INTS10: variants seen among roughly 807,000 people sequenced by gnomAD.
INTS10 encodes integrator complex subunit 10, also known as chromosome 8 open reading frame 35.
INTS10 carries 44 observed loss-of-function variants against 94.4 expected under a neutral mutation model. That is an observed-to-expected ratio of 0.47 (90% confidence interval 0.37 to 0.60). The LOEUF (loss-of-function observed/expected upper bound fraction) is 0.60. Ranked by LOEUF, INTS10 falls within the 20% of genes least tolerant of loss-of-function variation. The pLI is 0.00. For missense variants in INTS10, 797 were observed against 868.7 expected (o/e 0.92, Z 1.04); for synonymous variants, 341 against 320.7 (o/e 1.06, Z -0.68).
chr8:19,848,590 T>C lies in INTS10; in HGVS notation c.1976+2793T>C, dbSNP rs868211690. Among the ~76,000 whole-genome samples, 7 of 152,292 alleles carry C rather than the reference T, an allele frequency of 4.6e-5. No individual in the cohort carries two copies. In the South Asian group the frequency reaches 1.4e-3, roughly 32 times the overall value. On this transcript the variant is annotated intron_variant, in intron 16 of 16. Coordinates refer to ENST00000397977, the MANE Select transcript of INTS10 (RefSeq NM_018142.4). Reference sequence around the variant, plus strand: ...GTTGTTACAGAATTCTGCACAGCCATGGGTCCCGGACTCTTATTTTCCCCC... The same window carrying C: ...GTTGTTACAGAATTCTGCACAGCCACGGGTCCCGGACTCTTATTTTCCCCC...
intron 9 of INTS10, among the ~76,000 whole-genome samples, chr8:19,826,959 G>A (rs2066845470): frequency 6.6e-6 from 1 of 152,168 alleles, no homozygotes; most frequent in Non-Finnish European, 1.5e-5. Flanking sequence ...GGTGCAGTGT[G>A]GGGTACTGGC....
intron 13 of INTS10, among the ~76,000 whole-genome samples, chr8:19,840,911 T>A (rs1590038870): frequency 6.6e-6 from 1 of 152,226 alleles, no homozygotes; most frequent in Admixed American, 6.5e-5. Flanking sequence ...GGTAATGACA[T>A]GTTCAACTTG....
chr8:19,844,936 C>T (rs1465060584), intron 15 of INTS10, among the ~76,000 whole-genome samples: 1 of 151,756 alleles, frequency 6.6e-6, no homozygotes, highest in Non-Finnish European at 1.5e-5. Context: ...CTTGCTGTGT[C>T]ACCCAGGCTG....
At chr8:19,825,548 C>T (rs896823237) in intron 8 of INTS10, among the ~76,000 whole-genome samples, 12 of 150,464 alleles carry the variant, frequency 8.0e-5, no homozygotes, top group Non-Finnish European at 1.6e-4. Context: ...AAAAAAACAG[C>T]AGATGTAACA....
At chr8:19,823,275 T>G in intron 5 of INTS10, 26 bp from the exon 6 acceptor site, 1 of 1,582,826 alleles carries the variant, frequency 6.3e-7, no homozygotes, top group Non-Finnish European at 8.7e-7. Context: ...CTAATTAATT[T>G]ATTTCTTCTT....
intron 16 of INTS10, among the ~76,000 whole-genome samples, chr8:19,850,752 T>C (rs996434485): frequency 6.6e-6 from 1 of 152,224 alleles, no homozygotes; most frequent in Non-Finnish European, 1.5e-5. Flanking sequence ...ACTCCCTTCC[T>C]CTTAACTGAG....
chr8:19,837,259 G>C, intron 13 of INTS10, 99 bp downstream of exon 13: 1 of 773,746 alleles, frequency 1.3e-6, no homozygotes, highest in Non-Finnish European at 2.2e-6. Context: ...AAGTCGAGGC[G>C]GGAGGATAGC....
At chr8:19,827,695 C>T (rs1171867814) in intron 9 of INTS10, among the ~76,000 whole-genome samples, 2 of 152,140 alleles carry the variant, frequency 1.3e-5, no homozygotes, top group African/African-American at 2.4e-5. Context: ...GTCAAGCACT[C>T]ATCTAGCAAG....
At chr8:19,818,003 C>A (rs760379190) in intron 1 of INTS10, among the ~76,000 whole-genome samples, 4 of 152,284 alleles carry the variant, frequency 2.6e-5, no homozygotes, top group Middle Eastern at 3.4e-3. Flanking sequence ...GCCATTCGCT[C>A]CTTCATTCAT....
Position 19,833,923 on chromosome 8 carries a change from C to T in INTS10, c.1530+602C>T, listed in dbSNP as rs1009256832. On this transcript the variant is annotated intron_variant, in intron 12 of 16. Transcript: ENST00000397977. ...TTGGGAGACTGAGGAAGGAGAATCA[C>T]TTGAACCTGGGAGGTGGAGGTTGCA... Among the ~76,000 whole-genome samples the T allele has an allele frequency of 2.1e-4, 31 of 151,064 alleles. 1 individual carries two copies. The Admixed American group carries it at 2.1e-3, about 10-fold the overall frequency.
Position 19,822,420 on chromosome 8 carries a change from T to G in INTS10, c.442-19T>G. 6.7e-7 allele frequency: 1 copy of G among 1,494,262 alleles called. No individual in the cohort carries two copies. The highest frequency in any genetic ancestry group is 2.3e-5 in the East Asian group (1 of 43,580). 92.6% of individuals were successfully genotyped at this position (1,494,262 alleles called of 1,614,324 possible). A position where few individuals can be genotyped will look rare whatever the true frequency, so the allele number is the denominator to read the frequency against. ...TTATGCTGTAACACATTTAAATGAG[T>G]AATTTTGTTTTGAAATAGGTTGGCC... On this transcript the variant is annotated intron_variant, in intron 4 of 16. Transcript: ENST00000397977.
At chr8:19,822,617 G>C (rs138679171) in intron 5 of INTS10, 97 bp downstream of exon 5, 1 of 711,102 alleles carries the variant, frequency 1.4e-6, no homozygotes, top group East Asian at 2.8e-5. Flanking sequence ...AGGCAAAGGA[G>C]CTTTATGTGT....
chr8:19,827,122 G>C (rs752432538), intron 9 of INTS10, among the ~76,000 whole-genome samples: 1 of 152,138 alleles, frequency 6.6e-6, no homozygotes, highest in African/African-American at 2.4e-5. Flanking sequence ...TTTGTTGAGA[G>C]GGAAAAGTGT....
rs1170204142 is a variant in INTS10, at chr8:19,817,691, C to T, written c.129+25C>T. On this transcript the variant is annotated intron_variant, in intron 1 of 16. Coordinates refer to ENST00000397977, the MANE Select transcript of INTS10 (RefSeq NM_018142.4). Reference sequence around the variant, plus strand: ...GGTGAGGTCCCGGCTGTGCATGCGGCCGCTCTGCGTGGAGGTGCGCGCTCC... The same window carrying T: ...GGTGAGGTCCCGGCTGTGCATGCGGTCGCTCTGCGTGGAGGTGCGCGCTCC... 4.4e-6 allele frequency: 7 copies of T among 1,594,132 alleles called. No homozygotes were observed. The African/African-American group carries it at 5.4e-5, about 12-fold the overall frequency.
chr8:19,842,984 G>A (rs2068257604), intron 14 of INTS10, 57 bp downstream of exon 14: 1 of 1,207,152 alleles, frequency 8.3e-7, no homozygotes. Flanking sequence ...TTATTCTCAT[G>A]ACTCGAGAAC....
At chr8:19,850,294 T>C (rs2068923347) in intron 16 of INTS10, among the ~76,000 whole-genome samples, 1 of 152,108 alleles carries the variant, frequency 6.6e-6, no homozygotes, top group South Asian at 2.1e-4. Context: ...CATAAATGGT[T>C]TGCATCTATC....
chr8:19,826,572 A>C lies in INTS10; in HGVS notation c.1140+13A>C. 2 of 1,607,504 alleles carry C rather than the reference A, an allele frequency of 1.2e-6. No individual in the cohort carries two copies. Among genetic ancestry groups the C allele is most frequent in the Non-Finnish European group, 1.7e-6 (2 of 1,177,702 alleles). On this transcript the variant is annotated intron_variant, in intron 9 of 16. Transcript: ENST00000397977. ...AGAAAAAACCATGGTAAGGCTTTCA[A>C]ATATACTTATTAACAGATTGGATGG...
intron 4 of INTS10, chr8:19,821,372 AGCTTCATCACTCCTCCAATTTCT>A (rs2128753486): frequency 6.6e-6 from 1 of 152,384 alleles, no homozygotes; most frequent in African/African-American, 2.4e-5. Context: ...CCTGGCAGGC[AGCTTCATCACTCCTCCAATTTCT>A]GCTCCATCAC....
intron 1 of INTS10, 94 bp from the exon 2 acceptor site, chr8:19,818,181 T>C (rs2066087324): frequency 1.6e-6 from 2 of 1,221,034 alleles, no homozygotes; most frequent in Non-Finnish European, 2.4e-6. Context: ...TCTCAGGCCC[T>C]CCCTTCCTGC....
Sources: allele counts gnomAD v4.1 joint callset (sites outside exome capture counted in the v4.1 genomes callset), GRCh38; gene constraint gnomAD v4.1.1; transcripts MANE v1.5; gene names NCBI Gene and HGNC (gene_info 2026-07-23, HGNC 2026-07-21).